Variants in ARHGEF10L observed in about 807,000 individuals in gnomAD.
The protein encoded by ARHGEF10L is rho guanine nucleotide exchange factor 10-like protein.
ARHGEF10L carries 69 observed loss-of-function variants against 141.2 expected under a neutral mutation model. The ratio of observed to expected loss-of-function variants is 0.49; its 90% CI spans 0.40 to 0.60. ARHGEF10L has a LOEUF of 0.60. ARHGEF10L is among the 20% of genes least tolerant of loss of function. ARHGEF10L has a pLI of 0.00. For synonymous variants in ARHGEF10L, 711 were observed against 718.5 expected, an observed-to-expected ratio of 0.99 and a Z score of 0.17; for missense variants, 1,482 against 1,734.3, an observed-to-expected ratio of 0.85 and a Z score of 2.58.
chr1:17,668,847 C>T (rs1259265659), intron 26 of ARHGEF10L, among the ~76,000 whole-genome samples: 1 of 152,190 alleles, frequency 6.6e-6, no homozygotes, highest in African/African-American at 2.4e-5. Context: ...CAGGGGAAGC[C>T]GGCTCCACCT....
At chr1:17,622,741 G>T (rs1041140355) in intron 11 of ARHGEF10L, among the ~76,000 whole-genome samples, 1 of 152,158 alleles carries the variant, frequency 6.6e-6, no homozygotes, top group Admixed American at 6.5e-5. Flanking sequence ...CTCCTTGCAG[G>T]CAGATGGCGC....
chr1:17,608,375 C>A (rs2081366210), intron 7 of ARHGEF10L, among the ~76,000 whole-genome samples: 1 of 152,220 alleles, frequency 6.6e-6, no homozygotes, highest in African/African-American at 2.4e-5. Context: ...CACTTGCTCT[C>A]CCCGCCTTCT....
chr1:17,697,543 C>A lies in ARHGEF10L; in HGVS notation c.*163C>A. ...CCTCTTGTTTTAAAAAAATTTTTTT[C>A]AGAGTGTTTTGGGGAGGAGTTTTAG... On this transcript the variant is annotated 3_prime_UTR_variant, in exon 29 of 29. Transcript: ENST00000361221. This position sits in a 1 kb window ranked among gnomAD's most constrained non-coding sequence, Gnocchi z 4.8. The A allele has an allele frequency of 9.9e-7, 1 of 1,013,166 alleles. No homozygotes were observed. The allele number at this position is 1,013,166 out of a possible 1,614,324, so 62.8% of individuals were successfully genotyped here.
chr1:17,623,016 G>A lies in ARHGEF10L; in HGVS notation c.1041G>A (p.Met347Ile). The change falls in exon 12 of 29, where the codon ATG becomes ATA. Residue 347 changes from methionine (M) to isoleucine (I), a missense_variant. By Grantham distance (10) the Met-to-Ile change is conservative. Transcript: ENST00000361221. This position sits in a 1 kb window ranked among gnomAD's most constrained non-coding sequence, Gnocchi z 4.7. ...GGCAGGACTACCGCAACCCCCTGATGGAGATGGAGCCCAAGGCGCTGAGCG... is the reference window on the plus strand; with the variant it reads ...GGCAGGACTACCGCAACCCCCTGATAGAGATGGAGCCCAAGGCGCTGAGCG... ...RILQDYRNPL[M>I]EMEPKALSAR... The A allele has an allele frequency of 1.2e-6, 2 of 1,613,584 alleles. No homozygotes were observed. The highest frequency in any genetic ancestry group is 1.7e-6 in the Non-Finnish European group (2 of 1,179,906).
At chr1:17,584,188 G>C (rs980986391) in intron 2 of ARHGEF10L, among the ~76,000 whole-genome samples, 1 of 152,058 alleles carries the variant, frequency 6.6e-6, no homozygotes, top group East Asian at 1.9e-4. Flanking sequence ...GGGACTACAG[G>C]TGTATGCTAC....
chr1:17,651,291 G>A (rs2061919665), intron 22 of ARHGEF10L, among the ~76,000 whole-genome samples: 1 of 152,192 alleles, frequency 6.6e-6, no homozygotes, highest in South Asian at 2.1e-4. Context: ...TGTTGGGGTG[G>A]GACAGGCTTA....
At chr1:17,545,069 G>T (rs2076870271) in intron 1 of ARHGEF10L, among the ~76,000 whole-genome samples, 1 of 152,112 alleles carries the variant, frequency 6.6e-6, no homozygotes, top group Non-Finnish European at 1.5e-5. Context: ...TTTGGGTGGG[G>T]ACGCAGCCAA....
intron 9 of ARHGEF10L, chr1:17,618,213 G>A (rs1159678006): frequency 9.6e-7 from 1 of 1,037,244 alleles, no homozygotes; most frequent in East Asian, 3.1e-5. Flanking sequence ...ACTCTTCCTG[G>A]GTCACCCTCC....
At chr1:17,692,362 T>C (rs12143113) in intron 27 of ARHGEF10L, among the ~76,000 whole-genome samples, 123,849 of 151,930 alleles carry the variant, frequency 0.82, 50,743 homozygotes, top group East Asian at 0.9. Context: ...GATAGCTCCA[T>C]TCGGGTGTGT....
intron 7 of ARHGEF10L, among the ~76,000 whole-genome samples, chr1:17,610,397 C>G (rs1182387565): frequency 6.6e-6 from 1 of 152,196 alleles, no homozygotes; most frequent in Non-Finnish European, 1.5e-5. Flanking sequence ...GGCTTTGGAC[C>G]CTTCCTCAGC....
chr1:17,517,429 T>C, the ARHGEF10L span, among the ~76,000 whole-genome samples: 1,602 of 152,070 alleles, frequency 0.011, 17 homozygotes, highest in African/African-American at 0.037. Context: ...GGTTCAGTGA[T>C]TCTCTTGCCT....
In ARHGEF10L at chr1:17,639,113, A is replaced by T. The variant is rs1252079325; in HGVS notation, c.2171+424A>T. Among the ~76,000 whole-genome samples the T allele has an allele frequency of 6.6e-6, 1 of 152,030 alleles. No homozygotes were observed. Among genetic ancestry groups the T allele is most frequent in the Admixed American group, 6.6e-5 (1 of 15,258 alleles). ...CCACCACAGGAGCTGTGCACAGTAG[A>T]CCCCAACTGAGGTTTGTGGAACTGA... On this transcript the variant is annotated intron_variant, in intron 20 of 28. Coordinates refer to ENST00000361221, the MANE Select transcript of ARHGEF10L (RefSeq NM_018125.4). The surrounding 1 kb of genome is among the most constrained non-coding windows in gnomAD (Gnocchi z 4.3).
intron 26 of ARHGEF10L, among the ~76,000 whole-genome samples, chr1:17,665,069 G>T (rs1346649500): frequency 6.6e-6 from 1 of 152,190 alleles, no homozygotes; most frequent in African/African-American, 2.4e-5. Context: ...GGACTGGTCT[G>T]GGGGGCTCAT....
chr1:17,587,708 G>A lies in ARHGEF10L; in HGVS notation c.223+63G>A, dbSNP rs551245291. On this transcript the variant is annotated intron_variant, in intron 3 of 28. Transcript: ENST00000361221. ...AGGGAGCATGGAGAACTGGGCGGAA[G>A]CTCCAGGCTCTCAGGGATGCCTGGT... The A allele has an allele frequency of 2.2e-4, 335 of 1,509,292 alleles. 2 individuals carry two copies. In the Middle Eastern group the frequency reaches 2.9e-3, roughly 13 times the overall value. 93.5% of individuals were successfully genotyped at this position (1,509,292 alleles called of 1,614,324 possible).
chr1:17,637,926 C>T lies in ARHGEF10L; in HGVS notation c.1966C>T (p.Leu656=), dbSNP rs1215520740. 6.2e-7 allele frequency: 1 copy of T among 1,600,572 alleles called. No homozygotes were observed. Among genetic ancestry groups the T allele is most frequent in the Non-Finnish European group, 8.5e-7 (1 of 1,173,616 alleles). ...CGGCCCCCCACGCCTCTTCCAGGAGCTGCAGGACCTGCAGAAGGACCTGGC... is the reference window on the plus strand; with the variant it reads ...CGGCCCCCCACGCCTCTTCCAGGAGTTGCAGGACCTGCAGAAGGACCTGGC... The part of the protein sequence containing the change: ...YLGPPRLFQE[L]QDLQKDLAVV... The change falls in exon 19 of 29, where the codon CTG becomes TTG. Residue 656 remains leucine, a synonymous_variant. Transcript: ENST00000361221.
At chr1:17,648,478 G>T (rs1351207232) in intron 21 of ARHGEF10L, 76 bp from the exon 22 acceptor site, 8 of 1,574,304 alleles carry the variant, frequency 5.1e-6, no homozygotes, top group African/African-American at 4.0e-5. Flanking sequence ...GCTCCCTGGG[G>T]CTTGGAGGGC....
At chr1:17,517,312 A>T in the ARHGEF10L span, among the ~76,000 whole-genome samples, 2 of 152,146 alleles carry the variant, frequency 1.3e-5, no homozygotes, top group Non-Finnish European at 2.9e-5. Flanking sequence ...GAAATTATGT[A>T]TGGAGAGGTG....
In ARHGEF10L at chr1:17,654,917, CAG is replaced by C. The variant is rs1375946814; in HGVS notation, c.2481+197_2481+198del. Among the ~76,000 whole-genome samples, 1 of 152,172 alleles carries C rather than the reference CAG, an allele frequency of 6.6e-6. No homozygotes were observed. Among genetic ancestry groups the C allele is most frequent in the African/African-American group, 2.4e-5 (1 of 41,448 alleles). On this transcript the variant is annotated intron_variant, in intron 23 of 28. Coordinates refer to ENST00000361221, the MANE Select transcript of ARHGEF10L (RefSeq NM_018125.4). The surrounding 1 kb of genome is among the most constrained non-coding windows in gnomAD (Gnocchi z 4.3). ...GGAGGTGCAACCTCATCTGGGGCAA[CAG>C]AAAACCAGGGAGCTAAAAAGAGAGT...
At chr1:17,686,078 TTTTCTTTC>T (rs537589890) in intron 26 of ARHGEF10L, among the ~76,000 whole-genome samples, 317 of 140,596 alleles carry the variant, frequency 2.3e-3, no homozygotes, top group Admixed American at 5.3e-3. Context: ...GTTTTGTTTT[TTTTCTTTC>T]TTTCTTTCTT....
Sources: allele counts gnomAD v4.1 joint callset (sites outside exome capture counted in the v4.1 genomes callset), GRCh38; gene constraint gnomAD v4.1.1; non-coding constraint Gnocchi (gnomAD v3.1); transcripts MANE v1.5; gene names NCBI Gene and HGNC (gene_info 2026-07-23, HGNC 2026-07-21).